IGFBP4: variants seen among roughly 807,000 people sequenced by gnomAD.
IGFBP4 encodes the protein insulin like growth factor binding protein 4.
IGFBP4 carries 9 observed loss-of-function variants against 25.8 expected under a neutral mutation model. The observed-to-expected ratio is 0.35, with a 90% CI of 0.21 to 0.61. The LOEUF is 0.61. Among genes scored for constraint, IGFBP4 ranks in the 20% least tolerant of loss-of-function variants. The pLI, the probability that IGFBP4 is intolerant of heterozygous loss-of-function variation, is 0.77. For synonymous variants in IGFBP4, 153 were observed against 153.9 expected, an observed-to-expected ratio of 0.99 and a Z score of 0.05; for missense variants, 315 against 365.3, an observed-to-expected ratio of 0.86 and a Z score of 1.12.
chr17:40,453,770 C>T lies in IGFBP4; in HGVS notation c.508-158C>T, dbSNP rs2035699346. 6.6e-6 allele frequency among the ~76,000 whole-genome samples: 1 copy of T among 152,132 alleles called. No individual in the cohort carries two copies. The highest frequency in any genetic ancestry group is 1.5e-5 in the Non-Finnish European group (1 of 68,016). On this transcript the variant is annotated intron_variant, in intron 2 of 3. Transcript: ENST00000269593. The surrounding 1 kb of genome is among the most constrained non-coding windows in gnomAD (Gnocchi z 4.0). Reference sequence around the variant, plus strand: ...GTCTCTACCCTCCCAGTGTGTCCTCCAGACCCAGGCCTCTCTCTTCACCTC... The same window carrying T: ...GTCTCTACCCTCCCAGTGTGTCCTCTAGACCCAGGCCTCTCTCTTCACCTC...
At position 40,444,187 on chromosome 17, in the gene IGFBP4, G is replaced by A. The variant is rs551020516; in HGVS notation, c.349+103G>A. ...TGGAAGGCCCTTAAAAATCCCCTATGAGTTGAAGAGAAGGCAGGTACGTGG... is the reference window on the plus strand; with the variant it reads ...TGGAAGGCCCTTAAAAATCCCCTATAAGTTGAAGAGAAGGCAGGTACGTGG... On this transcript the variant is annotated intron_variant, in intron 1 of 3. Transcript: ENST00000269593. 1.4e-3 allele frequency: 1,236 copies of A among 880,698 alleles called. 2 individuals carry two copies. The highest frequency in any genetic ancestry group is 1.9e-3 in the Non-Finnish European group (1,093 of 564,622). The allele number at this position is 880,698 out of a possible 1,614,324, so 54.6% of individuals were successfully genotyped here.
rs1348103248 is a variant in IGFBP4 at position 40,457,366 on chromosome 17, A to G, written c.*783A>G. The stretch of plus-strand genomic sequence containing the variant: ...ACAGAGGGCTAGGGAGGTGGGGTAC[A>G]TTTCTCTGAGCAGTCAGGGTGGGAA... On this transcript the variant is annotated 3_prime_UTR_variant, in exon 4 of 4. Coordinates refer to ENST00000269593, the MANE Select transcript of IGFBP4 (RefSeq NM_001552.3). 2 of 152,132 alleles carry G rather than the reference A, an allele frequency of 1.3e-5. No homozygotes were observed. The highest frequency in any genetic ancestry group is 3.9e-4 in the East Asian group (2 of 5,180). 9.4% of individuals were successfully genotyped at this position (152,132 alleles called of 1,614,324 possible).
At chr17:40,445,454 T>C (rs1217891972) in intron 1 of IGFBP4, among the ~76,000 whole-genome samples, 1 of 152,236 alleles carries the variant, frequency 6.6e-6, no homozygotes, top group Non-Finnish European at 1.5e-5. Context: ...CCAAGCTTCC[T>C]GTCCTGGGAC....
chr17:40,444,881 AGAAACACAC>A (rs2035632259), intron 1 of IGFBP4, among the ~76,000 whole-genome samples: 2 of 134,870 alleles, frequency 1.5e-5, no homozygotes, highest in Non-Finnish European at 3.2e-5. Flanking sequence ...AGAGAGAGAG[AGAAACACAC>A]ACACACACAC....
Position 40,454,046 on chromosome 17 carries a change from A to G in IGFBP4, c.626A>G (p.Asn209Ser). The stretch of plus-strand genomic sequence containing the variant: ...ATCCCCAACTGCGACCGCAACGGCA[A>G]CTTCCACCCCAAGCAGGTGGGTCTC... ...IPIPNCDRNG[N>S]FHPKQCHPAL... The change falls in exon 3 of 4, where the codon AAC becomes AGC. Residue 209 changes from asparagine to serine, a missense_variant. Coordinates refer to ENST00000269593, the MANE Select transcript of IGFBP4 (RefSeq NM_001552.3). 1 of 1,612,404 alleles carries G rather than the reference A, an allele frequency of 6.2e-7. No individual in the cohort carries two copies. Among genetic ancestry groups the G allele is most frequent in the Non-Finnish European group, 8.5e-7 (1 of 1,179,334 alleles).
At chr17:40,444,121 G>A (rs2035627015) in intron 1 of IGFBP4, 37 bp downstream of exon 1, 7 of 1,459,290 alleles carry the variant, frequency 4.8e-6, no homozygotes, top group Admixed American at 2.0e-5. Flanking sequence ...CCTCCTGAGT[G>A]CGCTCCCTTC....
At position 40,453,034 on chromosome 17, in the gene IGFBP4, C is replaced by G; in HGVS notation, c.399C>G (p.Ala133=). Residue 133 remains alanine (A), a synonymous_variant, in exon 2 of 4, where the codon GCC becomes GCG. Coordinates refer to ENST00000269593, the MANE Select transcript of IGFBP4 (RefSeq NM_001552.3). The surrounding 1 kb of genome is among the most constrained non-coding windows in gnomAD (Gnocchi z 4.0). ...ACAACAGCTTCAGCCCCTGTAGCGC[C>G]CATGACCGCAGGTGCCTGCAGAAGC... ...HPNNSFSPCS[A]HDRRCLQKHF... is the part of the protein sequence containing the mutation. The G allele has an allele frequency of 6.3e-7, 1 of 1,594,220 alleles. No homozygotes were observed. The highest frequency in any genetic ancestry group is 1.1e-5 in the South Asian group (1 of 87,658).
In IGFBP4 at chr17:40,454,000, G is replaced by A; in HGVS notation, c.580G>A (p.Glu194Lys). The stretch of plus-strand genomic sequence containing the variant: ...GGCCGCTTCACAGAGCCGCACCCAC[G>A]AGGACCTCTACATCATCCCCATCCC... ...RLAASQSRTH[E>K]DLYIIPIPNC... Residue 194 changes from glutamate (E) to lysine (K), a missense_variant, in exon 3 of 4, where the codon GAG becomes AAG. Glu to Lys is a moderately conservative substitution (Grantham distance 56, BLOSUM62 1). Transcript: ENST00000269593. This position sits in a 1 kb window ranked among gnomAD's most constrained non-coding sequence, Gnocchi z 4.0. 1 of 1,613,626 alleles carries A rather than the reference G, an allele frequency of 6.2e-7. No homozygotes were observed. The highest frequency in any genetic ancestry group is 8.5e-7 in the Non-Finnish European group (1 of 1,179,882).
Position 40,443,947 on chromosome 17 carries a change from C to G in IGFBP4, c.212C>G (p.Thr71Ser). Reference protein sequence around the residue: ...LGLGMPCGVYTPRCGSGLRCY... With the variant: ...LGLGMPCGVYSPRCGSGLRCY... ...TTGGGGATGCCCTGCGGGGTGTACA[C>G]CCCCCGTTGCGGCTCGGGCCTGCGC... is the stretch of plus-strand genomic sequence containing the variant. The change falls in exon 1 of 4, where the codon ACC (threonine) becomes AGC (serine). Residue 71 changes from threonine (T) to serine (S), a missense_variant. Transcript: ENST00000269593. 4 of 1,530,924 alleles carry G rather than the reference C, an allele frequency of 2.6e-6. No homozygotes were observed. Among genetic ancestry groups the G allele is most frequent in the Non-Finnish European group, 3.5e-6 (4 of 1,143,874 alleles). The allele number at this position is 1,530,924 out of a possible 1,614,324, so 94.8% of individuals were successfully genotyped here. A position where few individuals can be genotyped will look rare whatever the true frequency, so the allele number is the denominator to read the frequency against.
chr17:40,443,742 C>T lies in IGFBP4; in HGVS notation c.7C>T (p.Pro3Ser). ...GCCCAGTCCTCGGGCGGTCATGCTG[C>T]CCCTCTGCCTCGTGGCCGCCCTGCT... is the stretch of plus-strand genomic sequence containing the variant. ML[P>S]LCLVAALLLA... is the part of the protein sequence containing the mutation. The change falls in exon 1 of 4, where the codon CCC becomes TCC. Residue 3 changes from proline (P) to serine (S), a missense_variant. Physicochemically the swap from Pro to Ser is moderately conservative, Grantham distance 74. Coordinates refer to ENST00000269593, the MANE Select transcript of IGFBP4 (RefSeq NM_001552.3). 1.4e-6 allele frequency: 2 copies of T among 1,468,474 alleles called. No homozygotes were observed. Among genetic ancestry groups the T allele is most frequent in the Non-Finnish European group, 1.8e-6 (2 of 1,120,234 alleles). 91.0% of individuals were successfully genotyped at this position (1,468,474 alleles called of 1,614,324 possible). A position where few individuals can be genotyped will look rare whatever the true frequency, so the allele number is the denominator to read the frequency against.
At position 40,444,938 on chromosome 17, in the gene IGFBP4, G is replaced by GAC. The variant is rs1567799626; in HGVS notation, c.349+855_349+856insCA. ...ACACACACACACACAGAGACAGAGAGAGAGAGAGAGAGAGAGAGAGAGAGA... is the reference window on the plus strand; with the variant it reads ...ACACACACACACACAGAGACAGAGAGACAGAGAGAGAGAGAGAGAGAGAGAGA... On this transcript the variant is annotated intron_variant, in intron 1 of 3. Transcript: ENST00000269593. 5.5e-3 allele frequency among the ~76,000 whole-genome samples: 205 copies of GAC among 37,138 alleles called. 2 individuals are homozygous for GAC. The highest frequency in any genetic ancestry group is 0.013 in the African/African-American group (193 of 14,588). The allele number at this position is 37,138 out of a possible 152,430, so 24.4% of individuals were successfully genotyped here.
chr17:40,453,846 G>C lies in IGFBP4; in HGVS notation c.508-82G>C. On this transcript the variant is annotated intron_variant, in intron 2 of 3. Coordinates refer to ENST00000269593, the MANE Select transcript of IGFBP4 (RefSeq NM_001552.3). This position sits in a 1 kb window ranked among gnomAD's most constrained non-coding sequence, Gnocchi z 4.0. Reference sequence around the variant, plus strand: ...CTCAGGCCTCCTTTCGGGGCCTTCAGTTCTCACTTAGCTCTGACCCCAGGC... The same window carrying C: ...CTCAGGCCTCCTTTCGGGGCCTTCACTTCTCACTTAGCTCTGACCCCAGGC... The C allele has an allele frequency of 9.1e-7, 1 of 1,102,678 alleles. No individual in the cohort carries two copies. Among genetic ancestry groups the C allele is most frequent in the Non-Finnish European group, 1.3e-6 (1 of 777,778 alleles). 68.3% of individuals were successfully genotyped at this position (1,102,678 alleles called of 1,614,324 possible).
chr17:40,443,881 G>T lies in IGFBP4; in HGVS notation c.146G>T (p.Arg49Leu), dbSNP rs545435670. 2 of 1,531,050 alleles carry T rather than the reference G, an allele frequency of 1.3e-6. No homozygotes were observed. Among genetic ancestry groups the T allele is most frequent in the African/African-American group, 2.8e-5 (2 of 72,504 alleles). 94.8% of individuals were successfully genotyped at this position (1,531,050 alleles called of 1,614,324 possible). A position where few individuals can be genotyped will look rare whatever the true frequency, so the allele number is the denominator to read the frequency against. ...CCCGTGGGCTGCGAGGAGCTGGTGC[G>T]AGAGCCGGGCTGCGGCTGTTGCGCC... ...RPPVGCEELV[R>L]EPGCGCCATC... Residue 49 changes from arginine to leucine, a missense_variant, in exon 1 of 4, where the codon CGA becomes CTA. Physicochemically the swap from Arg to Leu is moderately radical, Grantham distance 102. Transcript: ENST00000269593.
chr17:40,444,922 CACACAGAGACAGAGAGAGAGAG>C (rs1218080692), intron 1 of IGFBP4, among the ~76,000 whole-genome samples: 2,420 of 84,090 alleles, frequency 0.029, 43 homozygotes, highest in East Asian at 0.13. Context: ...CACACACACA[CACACAGAGACAGAGAGAGAGAG>C]AGAGAGAGAG....
chr17:40,453,272 T>A lies in IGFBP4; in HGVS notation c.507+130T>A, dbSNP rs1196381750. On this transcript the variant is annotated intron_variant, in intron 2 of 3. Transcript: ENST00000269593. The surrounding 1 kb of genome is among the most constrained non-coding windows in gnomAD (Gnocchi z 4.0). ...TGGGGCGTGTTCATTCAGCACACATTCTAGGGTGACTACTGTGTGCAAGGT... is the reference window on the plus strand; with the variant it reads ...TGGGGCGTGTTCATTCAGCACACATACTAGGGTGACTACTGTGTGCAAGGT... The A allele has an allele frequency of 1.6e-6, 1 of 639,492 alleles. No individual in the cohort carries two copies. The highest frequency in any genetic ancestry group is 2.4e-6 in the Non-Finnish European group (1 of 418,786). 39.6% of individuals were successfully genotyped at this position (639,492 alleles called of 1,614,324 possible). A position where few individuals can be genotyped will look rare whatever the true frequency, so the allele number is the denominator to read the frequency against.
intron 3 of IGFBP4, among the ~76,000 whole-genome samples, 200 bp downstream of exon 3, chr17:40,454,262 G>A (rs777309742): frequency 5.9e-5 from 9 of 152,192 alleles, no homozygotes; most frequent in East Asian, 1.9e-4. Flanking sequence ...ATCCAGAGAG[G>A]AGTAAAAGCG....
In IGFBP4 at chr17:40,453,383, G is replaced by A. The variant is rs10305301; in HGVS notation, c.507+241G>A. Among the ~76,000 whole-genome samples the A allele has an allele frequency of 7.7e-3, 1,169 of 152,184 alleles. 7 individuals are homozygous for A. Among genetic ancestry groups the A allele is most frequent in the Non-Finnish European group, 0.013 (883 of 68,010 alleles). On this transcript the variant is annotated intron_variant, in intron 2 of 3. Transcript: ENST00000269593. This position sits in a 1 kb window ranked among gnomAD's most constrained non-coding sequence, Gnocchi z 4.0. ...TTCCTGCCCATCAGTTATATACATCGGGGCAGCTTAAGTGATTATTAAATA... is the reference window on the plus strand; with the variant it reads ...TTCCTGCCCATCAGTTATATACATCAGGGCAGCTTAAGTGATTATTAAATA...
intron 1 of IGFBP4, among the ~76,000 whole-genome samples, chr17:40,449,962 A>G (rs2035673379): frequency 6.6e-6 from 1 of 152,172 alleles, no homozygotes; most frequent in South Asian, 2.1e-4. Context: ...ACCAAAGAAT[A>G]TTCTACCCAT....
chr17:40,444,910 CACACACACACACACACAGAG>C (rs2035633138), intron 1 of IGFBP4, among the ~76,000 whole-genome samples: 2 of 86,068 alleles, frequency 2.3e-5, no homozygotes, highest in African/African-American at 9.0e-5. Context: ...CACACACACA[CACACACACACACACACAGAG>C]ACAGAGAGAG....
Sources: gnomAD v4.1 joint callset for allele counts (sites outside exome capture counted in the v4.1 genomes callset) on GRCh38, gnomAD v4.1.1 for gene constraint, Gnocchi (gnomAD v3.1) non-coding constraint, MANE v1.5 for transcripts, NCBI Gene and HGNC (gene_info 2026-07-23, HGNC 2026-07-21) for gene names.